DLC1: variants seen among roughly 807,000 people sequenced by gnomAD.
DLC1 encodes DLC1 Rho GTPase activating protein.
A neutral mutation model predicts 140.3 loss-of-function variants in DLC1; 54 were observed. That is an observed-to-expected ratio of 0.38 (90% CI 0.31 to 0.48). The LOEUF (loss-of-function observed/expected upper bound fraction) is 0.48. DLC1 is among the 20% of genes least tolerant of loss of function. DLC1 has a pLI of 0.96. For missense variants in DLC1, 2,536 were observed against 1,907.0 expected (o/e 1.33, Z -6.14); for synonymous variants, 986 against 728.1 (o/e 1.35, Z -5.70).
chr8:13,249,809 C>T (rs1829927293), intron 5 of DLC1, among the ~76,000 whole-genome samples: 1 of 152,130 alleles, frequency 6.6e-6, no homozygotes, highest in African/African-American at 2.4e-5. Flanking sequence ...CTAAATTATC[C>T]CCATTGATCC....
chr8:13,198,059 C>T (rs1473518251), intron 5 of DLC1, among the ~76,000 whole-genome samples: 2 of 151,552 alleles, frequency 1.3e-5, no homozygotes, highest in Non-Finnish European at 1.5e-5. Flanking sequence ...TTGCTCAGTC[C>T]CGGCAACAGA....
chr8:13,120,354 A>AT (rs60987681), intron 5 of DLC1, among the ~76,000 whole-genome samples: 2,277 of 28,024 alleles, frequency 0.081, 108 homozygotes, highest in Middle Eastern at 0.15. Flanking sequence ...AAAAAAAAAA[A>AT]AAATATATAT....
At chr8:13,216,556 A>G (rs1449010649) in intron 5 of DLC1, among the ~76,000 whole-genome samples, 2 of 152,132 alleles carry the variant, frequency 1.3e-5, no homozygotes, top group Non-Finnish European at 2.9e-5. Context: ...AGAACGTGCC[A>G]AGACTTCATA....
chr8:13,515,811 C>T (rs1802568476), upstream of DLC1, among the ~76,000 whole-genome samples: 2 of 152,164 alleles, frequency 1.3e-5, no homozygotes, highest in South Asian at 4.1e-4. Context: ...GCAAGTATGG[C>T]TTTAATTAGT....
chr8:13,443,367 T>C (rs1373826229), intron 2 of DLC1, among the ~76,000 whole-genome samples: 6 of 118,710 alleles, frequency 5.1e-5, no homozygotes. Context: ...AAAAAAAAAC[T>C]GCCCAAATGA....
intron 4 of DLC1, among the ~76,000 whole-genome samples, chr8:13,316,134 T>G (rs563783541): frequency 6.6e-6 from 1 of 152,318 alleles, no homozygotes; most frequent in South Asian, 2.1e-4. Context: ...TAGGGACAGC[T>G]AACCCTTTCT....
intron 5 of DLC1, among the ~76,000 whole-genome samples, chr8:13,199,847 G>A (rs1171884899): frequency 2.0e-5 from 3 of 152,118 alleles, no homozygotes; most frequent in African/African-American, 4.8e-5. Flanking sequence ...TTCATAAGAT[G>A]CTATGATGCT....
intron 1 of DLC1, among the ~76,000 whole-genome samples, chr8:13,581,353 C>G (rs889479528): frequency 6.6e-6 from 1 of 152,088 alleles, no homozygotes; most frequent in Non-Finnish European, 1.5e-5. Flanking sequence ...TTAGTCTGTC[C>G]CAAACAAAAC....
In DLC1 at chr8:13,301,106, C is replaced by T. The variant is rs147720540; in HGVS notation, c.1348+4163G>A. Reference sequence around the variant, plus strand: ...CTGATGACCTCAGGGACTGTGGATACAGGAGGATAATGGAATCACGGGAAA... The same window carrying T: ...CTGATGACCTCAGGGACTGTGGATATAGGAGGATAATGGAATCACGGGAAA... On this transcript the variant is annotated intron_variant, in intron 5 of 17. Coordinates refer to ENST00000276297, the MANE Select transcript of DLC1 (RefSeq NM_182643.3). 3.3e-5 allele frequency among the ~76,000 whole-genome samples: 5 copies of T among 151,944 alleles called. No homozygotes were observed. The East Asian group carries it at 7.8e-4, about 24-fold the overall frequency.
chr8:13,174,090 A>C (rs1038905717), intron 5 of DLC1, among the ~76,000 whole-genome samples: 18 of 152,132 alleles, frequency 1.2e-4, no homozygotes, highest in Admixed American at 2.0e-4. Flanking sequence ...TTTAGGGCCC[A>C]CTTATGAGTG....
chr8:13,490,901 G>A (rs1341044454), intron 2 of DLC1, among the ~76,000 whole-genome samples: 1 of 151,046 alleles, frequency 6.6e-6, no homozygotes, highest in Non-Finnish European at 1.5e-5. Flanking sequence ...CTCATACATC[G>A]TAACTAATTT....
intron 5 of DLC1, among the ~76,000 whole-genome samples, chr8:13,216,961 A>C (rs1334337957): frequency 6.6e-6 from 1 of 152,120 alleles, no homozygotes; most frequent in African/African-American, 2.4e-5. Flanking sequence ...GGCTGTGGGC[A>C]GCATGTTTGT....
intron 5 of DLC1, among the ~76,000 whole-genome samples, chr8:13,125,201 T>G (rs899296251): frequency 2.0e-5 from 3 of 152,188 alleles, no homozygotes; most frequent in Admixed American, 6.5e-5. Flanking sequence ...GGTCTCAAAC[T>G]CCTGACCTCA....
At chr8:13,521,021 A>G (rs1802748870) in intron 1 of DLC1, among the ~76,000 whole-genome samples, 1 of 152,142 alleles carries the variant, frequency 6.6e-6, no homozygotes, top group South Asian at 2.1e-4. Flanking sequence ...TGAGTGATAG[A>G]CTGGTTAAAG....
In DLC1 at chr8:13,092,599, A is replaced by T; in HGVS notation, c.3740+13T>A. The T allele has an allele frequency of 6.2e-7, 1 of 1,613,302 alleles. No individual in the cohort carries two copies. Among genetic ancestry groups the T allele is most frequent in the Non-Finnish European group, 8.5e-7 (1 of 1,179,800 alleles). ...TGCCCCCTGTGTGCATGCACCTCCC[A>T]TGCAGCCCGTACCTGGGAGAGGAAT... is the stretch of plus-strand genomic sequence containing the variant. On this transcript the variant is annotated intron_variant, in intron 13 of 17. Coordinates refer to ENST00000276297, the MANE Select transcript of DLC1 (RefSeq NM_182643.3).
intron 5 of DLC1, among the ~76,000 whole-genome samples, chr8:13,272,139 A>C (rs1383115198): frequency 6.6e-6 from 1 of 152,246 alleles, no homozygotes; most frequent in East Asian, 1.9e-4. Context: ...TTACTTTATA[A>C]GATGTTGTTA....
chr8:13,188,456 A>C (rs1189305847), intron 5 of DLC1, among the ~76,000 whole-genome samples: 2 of 149,394 alleles, frequency 1.3e-5, no homozygotes, highest in Non-Finnish European at 3.0e-5. Flanking sequence ...AGTAATGATA[A>C]ACATGAAATT....
chr8:13,123,892 C>A (rs1821334302), intron 5 of DLC1, among the ~76,000 whole-genome samples: 1 of 151,974 alleles, frequency 6.6e-6, no homozygotes, highest in Admixed American at 6.6e-5. Context: ...ACCAGGATCC[C>A]CAATAGGAAA....
chr8:13,317,746 A>G (rs963040115), intron 4 of DLC1, among the ~76,000 whole-genome samples: 1 of 152,164 alleles, frequency 6.6e-6, no homozygotes, highest in African/African-American at 2.4e-5. Context: ...GACCCTTAAG[A>G]GGATTGCATT....
Sources: allele counts gnomAD v4.1 joint callset (sites outside exome capture counted in the v4.1 genomes callset), GRCh38; gene constraint gnomAD v4.1.1; transcripts MANE v1.5; gene names NCBI Gene and HGNC (gene_info 2026-07-23, HGNC 2026-07-21).